THRAP3: variants seen among roughly 807,000 people sequenced by gnomAD.
THRAP3 encodes thyroid hormone receptor-associated protein 3.
Under a neutral mutation model 101.0 loss-of-function variants are expected in THRAP3, and 16 were observed. The observed-to-expected ratio is 0.16, with a 90% CI of 0.11 to 0.24. The LOEUF is 0.24. Among genes scored for constraint, THRAP3 ranks in the 10% least tolerant of loss-of-function variants. THRAP3 has a pLI of 1.00. For missense variants in THRAP3, 989 were observed against 1,202.7 expected, an observed-to-expected ratio of 0.82 and a Z score of 2.63; for synonymous variants, 407 against 422.6, an observed-to-expected ratio of 0.96 and a Z score of 0.45.
At chr1:36,253,399 C>G (rs1477399593) in intron 1 of THRAP3, among the ~76,000 whole-genome samples, 1 of 152,122 alleles carries the variant, frequency 6.6e-6, no homozygotes, top group African/African-American at 2.4e-5. Flanking sequence ...TGGAAATATG[C>G]TGGAACTGTA....
At position 36,246,597 on chromosome 1, in the gene THRAP3, C is replaced by T. The variant is rs533572167; in HGVS notation, c.-134-12785C>T. Among the ~76,000 whole-genome samples the T allele has an allele frequency of 2.5e-3, 379 of 152,200 alleles. 1 individual carries two copies. The highest frequency in any genetic ancestry group is 0.014 in the Middle Eastern group (4 of 294). ...GTGGCTCACACCTGTAATCCCAGCA[C>T]TTTGGGAGGCTGAAGCAGGCAGATC... On this transcript the variant is annotated intron_variant, in intron 1 of 11. Transcript: ENST00000354618.
chr1:36,275,933 C>T (rs1667791777), intron 2 of THRAP3, among the ~76,000 whole-genome samples: 1 of 151,972 alleles, frequency 6.6e-6, no homozygotes, highest in African/African-American at 2.4e-5. Flanking sequence ...GTGGGCGGAT[C>T]ACTTGAGCCC....
chr1:36,270,560 T>C (rs1300852716), intron 2 of THRAP3, among the ~76,000 whole-genome samples: 3 of 141,746 alleles, frequency 2.1e-5, no homozygotes, highest in Non-Finnish European at 4.5e-5. Flanking sequence ...AATACAGTTC[T>C]ATTTGTTTAG....
intron 2 of THRAP3, among the ~76,000 whole-genome samples, chr1:36,260,273 A>G (rs1645428091): frequency 6.6e-6 from 1 of 152,020 alleles, no homozygotes; most frequent in African/African-American, 2.4e-5. Context: ...AGCTGTATAT[A>G]TTTGCAAAAA....
rs774574660 is a variant in THRAP3 at position 36,253,076 on chromosome 1, C to G, written c.-134-6306C>G. On this transcript the variant is annotated intron_variant, in intron 1 of 11. Coordinates refer to ENST00000354618, the MANE Select transcript of THRAP3 (RefSeq NM_005119.4). ...AATTGGGTTTCCAAGTTAGCAGTGC[C>G]TTTCAAAATTGATGGCAAATATTTA... Among the ~76,000 whole-genome samples the G allele has an allele frequency of 1.5e-4, 22 of 151,300 alleles. No individual in the cohort carries two copies. The East Asian group carries it at 1.8e-3, about 12-fold the overall frequency.
intron 2 of THRAP3, among the ~76,000 whole-genome samples, chr1:36,267,529 G>A (rs189812073): frequency 5.3e-5 from 8 of 152,254 alleles, no homozygotes; most frequent in South Asian, 2.1e-4. Context: ...GTTTGGCAGC[G>A]GTTATGTTTT....
In THRAP3 at chr1:36,300,933, C is replaced by T. The variant is rs1646023741; in HGVS notation, c.2351C>T (p.Ser784Phe). Reference protein sequence around the residue: ...RDRSRSSSSSSQSSHSYKAEE... With the variant: ...RDRSRSSSSSFQSSHSYKAEE... ...AGGTCCAGATCCTCCTCCTCTTCCT[C>T]CCAGTCATCTCACTCCTACAAAGCA... is the stretch of plus-strand genomic sequence containing the variant. Residue 784 changes from serine to phenylalanine, a missense_variant, in exon 10 of 12, where the codon TCC becomes TTC. Coordinates refer to ENST00000354618, the MANE Select transcript of THRAP3 (RefSeq NM_005119.4). 1 of 1,614,032 alleles carries T rather than the reference C, an allele frequency of 6.2e-7. No individual in the cohort carries two copies. The highest frequency in any genetic ancestry group is 2.2e-5 in the East Asian group (1 of 44,888).
In THRAP3 at chr1:36,292,831, A is replaced by G. The variant is rs1191326939; in HGVS notation, c.2030+122A>G. On this transcript the variant is annotated intron_variant, in intron 7 of 11. Coordinates refer to ENST00000354618, the MANE Select transcript of THRAP3 (RefSeq NM_005119.4). ...TACAAAATTTACAGTAACATCCTTC[A>G]GACTCTAAGAGAGCTATAGGCATTT... 7.5e-6 allele frequency: 5 copies of G among 670,474 alleles called. No individual in the cohort carries two copies. In the East Asian group the frequency reaches 1.4e-4, roughly 18 times the overall value. 41.5% of individuals were successfully genotyped at this position (670,474 alleles called of 1,614,324 possible).
chr1:36,301,474 G>A, intron 10 of THRAP3, 79 bp from the exon 11 acceptor site: 1 of 1,543,218 alleles, frequency 6.5e-7, no homozygotes, highest in Admixed American at 2.0e-5. Context: ...CCAGAAAAAT[G>A]TTTGAACAAA....
In THRAP3 at chr1:36,289,527, A is replaced by G. The variant is rs1162712721; in HGVS notation, c.1508A>G (p.Asp503Gly). Reference protein sequence around the residue: ...ESFPERSKKEDRGKRSEGGHR... With the variant: ...ESFPERSKKEGRGKRSEGGHR... ...TTCCCAGAGAGATCCAAAAAGGAAG[A>G]TCGGGGCAAGAGAAGCGAAGGTGGG... is the stretch of plus-strand genomic sequence containing the variant. The change falls in exon 5 of 12, where the codon GAT (aspartate) becomes GGT (glycine). Residue 503 changes from aspartate to glycine, a missense_variant. Coordinates refer to ENST00000354618, the MANE Select transcript of THRAP3 (RefSeq NM_005119.4). 1 of 1,614,098 alleles carries G rather than the reference A, an allele frequency of 6.2e-7. No homozygotes were observed. The highest frequency in any genetic ancestry group is 1.3e-5 in the African/African-American group (1 of 75,022).
In THRAP3 at chr1:36,256,098, C is replaced by A. The variant is rs546195653; in HGVS notation, c.-134-3284C>A. Reference sequence around the variant, plus strand: ...GTAGTGTGAACATGGCTCATTGCAGCCTCTGTCTCTTGGGCTCAGGCAGTT... The same window carrying A: ...GTAGTGTGAACATGGCTCATTGCAGACTCTGTCTCTTGGGCTCAGGCAGTT... On this transcript the variant is annotated intron_variant, in intron 1 of 11. Transcript: ENST00000354618. 1.3e-4 allele frequency among the ~76,000 whole-genome samples: 19 copies of A among 151,946 alleles called. No homozygotes were observed. The South Asian group carries it at 3.8e-3, about 30-fold the overall frequency.
At chr1:36,210,228 T>G in the THRAP3 span, among the ~76,000 whole-genome samples, 1 of 151,584 alleles carries the variant, frequency 6.6e-6, no homozygotes, top group African/African-American at 2.4e-5. Flanking sequence ...TAGCTGGGCA[T>G]GGTGGCAGGC....
upstream of THRAP3, among the ~76,000 whole-genome samples, chr1:36,219,468 A>C (rs139695001): frequency 7.4e-4 from 112 of 152,254 alleles, 1 homozygote; most frequent in East Asian, 0.021. Context: ...TCTGTTGCCT[A>C]GACTGGAGTG....
At chr1:36,240,989 G>T (rs1237975648) in intron 1 of THRAP3, among the ~76,000 whole-genome samples, 1 of 151,934 alleles carries the variant, frequency 6.6e-6, no homozygotes, top group Non-Finnish European at 1.5e-5. Context: ...GGCGGATCAC[G>T]AGGTCAGGAG....
chr1:36,211,868 G>A, the THRAP3 span, among the ~76,000 whole-genome samples: 273 of 152,226 alleles, frequency 1.8e-3, 6 homozygotes, highest in East Asian at 0.047. Context: ...CAATGCTGCC[G>A]GTTCCAGTCT....
intron 2 of THRAP3, among the ~76,000 whole-genome samples, chr1:36,264,724 G>T (rs959096940): frequency 6.6e-6 from 1 of 152,074 alleles, no homozygotes; most frequent in African/African-American, 2.4e-5. Context: ...TGAAATATTG[G>T]TAACATTACC....
chr1:36,301,692 A>T lies in THRAP3; in HGVS notation c.2642A>T (p.Tyr881Phe). 9.3e-6 allele frequency: 15 copies of T among 1,613,320 alleles called. No homozygotes were observed. The highest frequency in any genetic ancestry group is 1.3e-5 in the Non-Finnish European group (15 of 1,179,528). ...TACACACCCAAAAGCAAGAAGTATT[A>T]CTTGGTATGTGTCTGGGGATAACCA... is the stretch of plus-strand genomic sequence containing the variant. The part of the protein sequence containing the change: ...PEYTPKSKKY[Y>F]LHDDREGEGS... Residue 881 changes from tyrosine to phenylalanine, a missense_variant, in exon 11 of 12, where the codon TAC (tyrosine) becomes TTC (phenylalanine). Coordinates refer to ENST00000354618, the MANE Select transcript of THRAP3 (RefSeq NM_005119.4).
At chr1:36,207,887 G>C in the THRAP3 span, among the ~76,000 whole-genome samples, 2 of 152,086 alleles carry the variant, frequency 1.3e-5, no homozygotes, top group Non-Finnish European at 2.9e-5. Context: ...CAGCCTCCCG[G>C]GTTCAAGCGA....
chr1:36,258,194 C>T (rs1161267995), intron 1 of THRAP3, among the ~76,000 whole-genome samples: 1 of 152,174 alleles, frequency 6.6e-6, no homozygotes, highest in Non-Finnish European at 1.5e-5. Flanking sequence ...AGTTTGCAGT[C>T]CTGTAGCAGA....
Sources: gnomAD v4.1 joint callset for allele counts (sites outside exome capture counted in the v4.1 genomes callset) on GRCh38, gnomAD v4.1.1 for gene constraint, MANE v1.5 for transcripts, NCBI Gene and HGNC (gene_info 2026-07-23, HGNC 2026-07-21) for gene names.